TRMT61B: variants seen among roughly 807,000 people sequenced by gnomAD.
The protein encoded by TRMT61B is tRNA methyltransferase 61B.
In TRMT61B, 56 loss-of-function variants were observed where a neutral mutation model predicts 52.0. The observed-to-expected ratio is 1.08, with a 90% CI of 0.87 to 1.35. TRMT61B has a LOEUF of 1.35. Among genes scored for constraint, TRMT61B ranks in the 40% most tolerant of loss-of-function variants. TRMT61B has a pLI of 0.00. For synonymous variants in TRMT61B, 206 were observed against 220.0 expected (o/e 0.94, Z 0.56); for missense variants, 650 against 577.9 (o/e 1.12, Z -1.28).
chr2:28,858,148 C>G (rs181265959), intron 3 of TRMT61B, among the ~76,000 whole-genome samples: 4 of 150,440 alleles, frequency 2.7e-5, no homozygotes, highest in African/African-American at 9.8e-5. Flanking sequence ...TCAGGCCATT[C>G]TCCTGCCTCA....
chr2:28,867,896 T>A (rs1035540657), intron 1 of TRMT61B, among the ~76,000 whole-genome samples: 20 of 151,772 alleles, frequency 1.3e-4, no homozygotes, highest in Admixed American at 3.9e-4. Context: ...ACAAAAAAAA[T>A]TTTTGATTAG....
intron 3 of TRMT61B, among the ~76,000 whole-genome samples, chr2:28,855,457 G>C (rs147891885): frequency 6.6e-6 from 1 of 152,132 alleles, no homozygotes; most frequent in African/African-American, 2.4e-5. Flanking sequence ...AGTGGGTGTG[G>C]TAAGAAGTGG....
At chr2:28,859,470 G>A (rs1451787712) in intron 3 of TRMT61B, among the ~76,000 whole-genome samples, 2 of 152,152 alleles carry the variant, frequency 1.3e-5, no homozygotes, top group African/African-American at 4.8e-5. Flanking sequence ...TTTTAGAAAC[G>A]TTCTTAAGAA....
chr2:28,849,997 C>A lies in TRMT61B; in HGVS notation c.*202G>T. 1.5e-6 allele frequency: 2 copies of A among 1,376,380 alleles called. No homozygotes were observed. The highest frequency in any genetic ancestry group is 2.0e-6 in the Non-Finnish European group (2 of 985,758). The allele number at this position is 1,376,380 out of a possible 1,614,324, so 85.3% of individuals were successfully genotyped here. A position where few individuals can be genotyped will look rare whatever the true frequency, so the allele number is the denominator to read the frequency against. On this transcript the variant is annotated 3_prime_UTR_variant, in exon 7 of 7. Coordinates refer to ENST00000306108, the MANE Select transcript of TRMT61B (RefSeq NM_017910.4). The stretch of plus-strand genomic sequence containing the variant: ...TAACTACAAAATGTCAAACTAACTG[C>A]AAGACAAGTGTCAAAATGGGATGTT...
At chr2:28,858,186 A>G (rs936167992) in intron 3 of TRMT61B, among the ~76,000 whole-genome samples, 5 of 151,512 alleles carry the variant, frequency 3.3e-5, no homozygotes, top group Non-Finnish European at 5.9e-5. Context: ...GACTACAGGC[A>G]CCCGCCACCA....
intron 4 of TRMT61B, 96 bp downstream of exon 4, chr2:28,852,312 C>T (rs1162309538): frequency 6.7e-6 from 2 of 300,106 alleles, no homozygotes; most frequent in African/African-American, 4.7e-5. Context: ...TTTTCTGTCT[C>T]AAAAAAAAAA....
chr2:28,861,524 C>A, intron 2 of TRMT61B: 1 of 502,026 alleles, frequency 2.0e-6, no homozygotes, highest in Non-Finnish European at 3.5e-6. Flanking sequence ...ATGATAGTCA[C>A]TGCCTATACA....
At position 28,850,353 on chromosome 2, in the gene TRMT61B, T is replaced by C. The variant is rs146622199; in HGVS notation, c.1365A>G (p.Pro455=). ...CTGTATGACCAGGTTGCCAGTGTACTGGTCTAGCAACATAGGGAAATGATC... is the reference window on the plus strand; with the variant it reads ...CTGTATGACCAGGTTGCCAGTGTACCGGTCTAGCAACATAGGGAAATGATC... The part of the protein sequence containing the change: ...PYGSFPYVAR[P]VHWQPGHTAF... Residue 455 remains proline (P), a synonymous_variant, in exon 6 of 7, where the codon CCA becomes CCG. Coordinates refer to ENST00000306108, the MANE Select transcript of TRMT61B (RefSeq NM_017910.4). The C allele has an allele frequency of 8.7e-6, 14 of 1,610,860 alleles. No individual in the cohort carries two copies. Among genetic ancestry groups the C allele is most frequent in the Non-Finnish European group, 1.2e-5 (14 of 1,178,630 alleles).
intron 1 of TRMT61B, among the ~76,000 whole-genome samples, chr2:28,869,356 G>C (rs909734453): frequency 2.0e-5 from 3 of 152,160 alleles, no homozygotes; most frequent in Non-Finnish European, 4.4e-5. Flanking sequence ...TTACAAATAA[G>C]GGACTCGAGA....
intron 1 of TRMT61B, among the ~76,000 whole-genome samples, chr2:28,865,679 T>G (rs111493148): frequency 9.1e-5 from 13 of 142,284 alleles, no homozygotes; most frequent in Non-Finnish European, 1.7e-4. Context: ...TTCCTTTTTT[T>G]TTTTTTTTTT....
chr2:28,859,161 G>A (rs368325719), intron 3 of TRMT61B, among the ~76,000 whole-genome samples: 4 of 151,910 alleles, frequency 2.6e-5, no homozygotes, highest in African/African-American at 9.7e-5. Flanking sequence ...CTCACTGCAA[G>A]CTCCGCCTCC....
chr2:28,867,162 C>G (rs1438218067), intron 1 of TRMT61B, among the ~76,000 whole-genome samples: 2 of 151,116 alleles, frequency 1.3e-5, no homozygotes, highest in African/African-American at 4.9e-5. Flanking sequence ...GTGGCAAGAT[C>G]ATGGCTCGCT....
At chr2:28,852,970 C>A (rs1409414298) in intron 3 of TRMT61B, among the ~76,000 whole-genome samples, 1 of 152,020 alleles carries the variant, frequency 6.6e-6, no homozygotes, top group Non-Finnish European at 1.5e-5. Flanking sequence ...GAAGAAAAAA[C>A]AATTTGTCAT....
rs566587191 is a variant in TRMT61B, at chr2:28,852,275, T to C, written c.1085+133A>G. ...TTGCAGTGAGCTGAGATCATACCAC[T>C]ACACTCCAACCTGGGTGACAGAGTT... On this transcript the variant is annotated intron_variant, in intron 4 of 6. Coordinates refer to ENST00000306108, the MANE Select transcript of TRMT61B (RefSeq NM_017910.4). 1.1e-4 allele frequency: 56 copies of C among 507,682 alleles called. No homozygotes were observed. The African/African-American group carries it at 1.3e-3, about 11-fold the overall frequency. The allele number at this position is 507,682 out of a possible 1,614,324, so 31.4% of individuals were successfully genotyped here. A position where few individuals can be genotyped will look rare whatever the true frequency, so the allele number is the denominator to read the frequency against.
intron 3 of TRMT61B, 55 bp downstream of exon 3, chr2:28,861,063 C>T (rs1265512716): frequency 7.0e-7 from 1 of 1,425,892 alleles, no homozygotes; most frequent in African/African-American, 1.5e-5. Flanking sequence ...GAAGCCTGAC[C>T]CCTATCTTCT....
chr2:28,865,225 G>T lies in TRMT61B; in HGVS notation c.700-106C>A, dbSNP rs1260414055. On this transcript the variant is annotated intron_variant, in intron 1 of 6. Coordinates refer to ENST00000306108, the MANE Select transcript of TRMT61B (RefSeq NM_017910.4). ...GTGCAGAAGAAGGGAGTGAAAAAAC[G>T]AATCAGACTCTGGACCTGCCTTCAG... The T allele has an allele frequency of 1.1e-5, 7 of 620,478 alleles. No individual in the cohort carries two copies. The East Asian group carries it at 1.7e-4, about 15-fold the overall frequency. 38.4% of individuals were successfully genotyped at this position (620,478 alleles called of 1,614,324 possible).
chr2:28,865,128 G>C lies in TRMT61B; in HGVS notation c.700-9C>G, dbSNP rs1308748233. On this transcript the variant is annotated splice_polypyrimidine_tract_variant and intron_variant, in intron 1 of 6. Coordinates refer to ENST00000306108, the MANE Select transcript of TRMT61B (RefSeq NM_017910.4). The stretch of plus-strand genomic sequence containing the variant: ...AGAATCATATTAATATCCTATGATT[G>C]AAAACAGTATGGGTGACTCAGCGAC... 1 of 1,506,660 alleles carries C rather than the reference G, an allele frequency of 6.6e-7. No individual in the cohort carries two copies. Among genetic ancestry groups the C allele is most frequent in the Non-Finnish European group, 9.2e-7 (1 of 1,083,384 alleles). The allele number at this position is 1,506,660 out of a possible 1,614,324, so 93.3% of individuals were successfully genotyped here.
chr2:28,856,173 TAA>T (rs144067259), intron 3 of TRMT61B, among the ~76,000 whole-genome samples: 3,621 of 152,252 alleles, frequency 0.024, 51 homozygotes, highest in Non-Finnish European at 0.036. Context: ...ACCAGAAACT[TAA>T]GAGTCATCAT....
At position 28,870,081 on chromosome 2, in the gene TRMT61B, G is replaced by GA; in HGVS notation, c.196dup (p.Ser66PhefsTer95). On this transcript the variant is annotated frameshift_variant, in exon 1 of 7. Transcript: ENST00000306108. LOFTEE classifies it high-confidence loss of function. ...GATGCTCAGAGGGAGAGATGGGCAAGACTCTGCTCCTGGGGCTTTCCTTTG... is the reference window on the plus strand; with the variant it reads ...GATGCTCAGAGGGAGAGATGGGCAAGAACTCTGCTCCTGGGGCTTTCCTTTG... The GA allele has an allele frequency of 6.2e-7, 1 of 1,613,976 alleles. No homozygotes were observed. The highest frequency in any genetic ancestry group is 8.5e-7 in the Non-Finnish European group (1 of 1,179,994).
Sources: allele counts gnomAD v4.1 joint callset (sites outside exome capture counted in the v4.1 genomes callset), GRCh38; gene constraint gnomAD v4.1.1; transcripts MANE v1.5; gene names NCBI Gene and HGNC (gene_info 2026-07-23, HGNC 2026-07-21).